Variants in DOCK1 observed in about 807,000 individuals in gnomAD.
The protein encoded by DOCK1 is dedicator of cytokinesis 1, also known as dedicator of cytokinesis protein 1.
DOCK1 carries 138 observed loss-of-function variants against 262.7 expected under a neutral mutation model. The observed-to-expected ratio is 0.53, with a 90% CI of 0.46 to 0.61. The LOEUF is 0.61. Ranked by LOEUF, DOCK1 falls within the 20% of genes least tolerant of loss-of-function variation. The pLI, the probability that DOCK1 is intolerant of heterozygous loss-of-function variation, is 0.00. For missense variants in DOCK1, 1,908 were observed against 2,370.7 expected, an observed-to-expected ratio of 0.80 and a Z score of 4.05; for synonymous variants, 866 against 867.4, an observed-to-expected ratio of 1.00 and a Z score of 0.03.
At chr10:127,424,240 G>A (rs754045531) in intron 46 of DOCK1, among the ~76,000 whole-genome samples, 1 of 152,188 alleles carries the variant, frequency 6.6e-6, no homozygotes, top group African/African-American at 2.4e-5. Flanking sequence ...AGGAACTGCT[G>A]AGAGTGGTGA....
intron 10 of DOCK1, chr10:127,001,059 C>A (rs1341551583): frequency 6.6e-6 from 1 of 151,524 alleles, no homozygotes; most frequent in East Asian, 1.9e-4. Flanking sequence ...CTGTGACTCT[C>A]ATTTTTCATA....
intron 23 of DOCK1, among the ~76,000 whole-genome samples, chr10:127,077,416 C>G (rs2046633832): frequency 1.3e-5 from 2 of 152,112 alleles, no homozygotes; most frequent in Non-Finnish European, 2.9e-5. Context: ...AAAAAAAGTT[C>G]TTACCAAGAA....
intron 29 of DOCK1, among the ~76,000 whole-genome samples, chr10:127,258,003 C>G (rs113116464): frequency 0.013 from 1,983 of 152,206 alleles, 53 homozygotes; most frequent in African/African-American, 0.045. Context: ...AAAGAACTTT[C>G]TGTTCATCTC....
At chr10:126,945,392 G>T (rs954416829) in intron 1 of DOCK1, among the ~76,000 whole-genome samples, 1 of 151,926 alleles carries the variant, frequency 6.6e-6, no homozygotes, top group South Asian at 2.1e-4. Context: ...TTTTGTCACA[G>T]CAGGTGAGTG....
Position 126,981,136 on chromosome 10 carries a change from T to G in DOCK1, c.172-782T>G, listed in dbSNP as rs183483327. ...CTAATTTTTGTATTTTTAGTAGAGA[T>G]GGGGTTTCACCATGTTGGCCAGGCT... On this transcript the variant is annotated intron_variant, in intron 3 of 51. Coordinates refer to ENST00000623213, the MANE Select transcript of DOCK1 (RefSeq NM_001290223.2). Among the ~76,000 whole-genome samples the G allele has an allele frequency of 2.7e-4, 41 of 152,000 alleles. 1 individual carries two copies. Among genetic ancestry groups the G allele is most frequent in the African/African-American group, 9.4e-4 (39 of 41,488 alleles).
rs549688929 is a variant in DOCK1, at chr10:127,000,382, T to C, written c.985+75T>C. 13 of 1,563,072 alleles carry C rather than the reference T, an allele frequency of 8.3e-6. No homozygotes were observed. The South Asian group carries it at 1.5e-4, about 18-fold the overall frequency. On this transcript the variant is annotated intron_variant, in intron 10 of 51. Coordinates refer to ENST00000623213, the MANE Select transcript of DOCK1 (RefSeq NM_001290223.2). The stretch of plus-strand genomic sequence containing the variant: ...CTTTCAAAAGAATCACTGTTGAATG[T>C]TGATTGGACAATGCACAGCTGTGAT...
intron 1 of DOCK1, among the ~76,000 whole-genome samples, chr10:126,923,602 T>G (rs2033414344): frequency 6.6e-6 from 1 of 152,074 alleles, no homozygotes; most frequent in South Asian, 2.1e-4. Context: ...CCAGCCTGGG[T>G]GACAGAGCAA....
chr10:127,311,006 T>C (rs2062044791), intron 29 of DOCK1, among the ~76,000 whole-genome samples: 2 of 152,220 alleles, frequency 1.3e-5, no homozygotes, highest in South Asian at 4.1e-4. Flanking sequence ...GTGTGTTTTA[T>C]TTGTTAGTAC....
At chr10:127,087,969 A>AT (rs1361022362) in intron 23 of DOCK1, among the ~76,000 whole-genome samples, 1 of 152,194 alleles carries the variant, frequency 6.6e-6, no homozygotes, top group Non-Finnish European at 1.5e-5. Flanking sequence ...ATTTTCCAAT[A>AT]AATGTAATTA....
intron 30 of DOCK1, among the ~76,000 whole-genome samples, chr10:127,341,523 G>A (rs936509927): frequency 9.2e-5 from 14 of 152,204 alleles, no homozygotes; most frequent in Non-Finnish European, 2.1e-4. Flanking sequence ...ATACTTTGCA[G>A]TATTTTTTTC....
At chr10:127,299,267 T>G (rs1007789703) in intron 29 of DOCK1, among the ~76,000 whole-genome samples, 9 of 152,254 alleles carry the variant, frequency 5.9e-5, no homozygotes, top group African/African-American at 2.2e-4. Context: ...CCTGGCTAAT[T>G]TTTTTGCATG....
At chr10:127,329,416 G>T (rs965378958) in intron 29 of DOCK1, among the ~76,000 whole-genome samples, 1 of 151,824 alleles carries the variant, frequency 6.6e-6, no homozygotes, top group Non-Finnish European at 1.5e-5. Flanking sequence ...AGACACTGGG[G>T]TGCTAGGGCA....
chr10:127,347,279 A>G (rs902516887), intron 31 of DOCK1, among the ~76,000 whole-genome samples: 59 of 152,314 alleles, frequency 3.9e-4, no homozygotes, highest in African/African-American at 1.3e-3. Flanking sequence ...GGGGACAAAG[A>G]CACAGACCTC....
Position 127,293,599 on chromosome 10 carries a change from G to C in DOCK1, c.3044+36170G>C, listed in dbSNP as rs78691862. 8.6e-3 allele frequency among the ~76,000 whole-genome samples: 1,307 copies of C among 152,264 alleles called. 37 individuals are homozygous for C. The East Asian group carries it at 0.11, about 12-fold the overall frequency. On this transcript the variant is annotated intron_variant, in intron 29 of 51. Transcript: ENST00000623213. The stretch of plus-strand genomic sequence containing the variant: ...TCCCCCTGACCCCATCCCACCCGCA[G>C]GTTGGCAGCTCATCCTCTTCCACCT...
intron 4 of DOCK1, among the ~76,000 whole-genome samples, chr10:126,984,738 G>A (rs551982684): frequency 5.9e-5 from 9 of 152,136 alleles, no homozygotes; most frequent in Non-Finnish European, 1.2e-4. Context: ...ATGTTTTGAA[G>A]TATGTATACA....
At chr10:127,144,486 T>A (rs1047193033) in intron 27 of DOCK1, among the ~76,000 whole-genome samples, 1 of 152,356 alleles carries the variant, frequency 6.6e-6, no homozygotes, top group Admixed American at 6.5e-5. Context: ...CAGTGCTGGC[T>A]CTGAACCTGC....
At chr10:127,356,062 C>T (rs1029077328) in intron 32 of DOCK1, among the ~76,000 whole-genome samples, 5 of 152,214 alleles carry the variant, frequency 3.3e-5, no homozygotes, top group Non-Finnish European at 5.9e-5. Context: ...GTGGAGGACT[C>T]CTCGAGGAAG....
chr10:127,089,436 A>C (rs1012576345), intron 23 of DOCK1, among the ~76,000 whole-genome samples: 1 of 151,464 alleles, frequency 6.6e-6, no homozygotes, highest in South Asian at 2.1e-4. Flanking sequence ...TCTCCTGTGC[A>C]CCCACTTTGT....
chr10:127,326,937 G>A (rs1259062611), intron 29 of DOCK1, among the ~76,000 whole-genome samples: 1 of 152,194 alleles, frequency 6.6e-6, no homozygotes, highest in Non-Finnish European at 1.5e-5. Context: ...CATTGTCAAT[G>A]AGCAGTAATA....
Sources: allele counts gnomAD v4.1 joint callset (sites outside exome capture counted in the v4.1 genomes callset), GRCh38; gene constraint gnomAD v4.1.1; transcripts MANE v1.5; gene names NCBI Gene and HGNC (gene_info 2026-07-23, HGNC 2026-07-21).